COL19A1: variants seen among roughly 807,000 people sequenced by gnomAD.
COL19A1 encodes the protein collagen type XIX alpha 1 chain.
COL19A1 carries 159 observed loss-of-function variants against 190.2 expected under a neutral mutation model. That is an observed-to-expected ratio of 0.84 (90% CI 0.73 to 0.95). The LOEUF is 0.95. Ranked by LOEUF, COL19A1 falls within the 40% of genes least tolerant of loss-of-function variation. The probability of loss-of-function intolerance (pLI) is 0.00; values close to 1 mark genes in which losing one functional copy is unlikely to be tolerated. For missense variants in COL19A1, 1,418 were observed against 1,431.9 expected, an observed-to-expected ratio of 0.99 and a Z score of 0.16; for synonymous variants, 509 against 458.9, an observed-to-expected ratio of 1.11 and a Z score of -1.39.
chr6:70,070,647 A>T (rs1355313637), intron 15 of COL19A1, among the ~76,000 whole-genome samples: 9 of 152,136 alleles, frequency 5.9e-5, no homozygotes, highest in Admixed American at 4.6e-4. Flanking sequence ...AATGAATTTT[A>T]AAAATGAGCG....
intron 4 of COL19A1, among the ~76,000 whole-genome samples, chr6:69,907,109 T>A (rs1157429054): frequency 9.3e-6 from 1 of 107,936 alleles, no homozygotes; most frequent in Admixed American, 1.0e-4. Context: ...TTATTATTAT[T>A]TTTTTTTTTT....
intron 46 of COL19A1, 97 bp from the exon 47 acceptor site, chr6:70,187,978 A>G (rs546986669): frequency 3.7e-5 from 51 of 1,397,218 alleles, no homozygotes; most frequent in Middle Eastern, 3.9e-4. Flanking sequence ...ACAAGGCCCA[A>G]CAGCTAATAA....
chr6:70,079,023 C>T (rs1782072105), intron 15 of COL19A1, among the ~76,000 whole-genome samples: 1 of 152,154 alleles, frequency 6.6e-6, no homozygotes, highest in Non-Finnish European at 1.5e-5. Context: ...GCCGAGCTCA[C>T]ATCACTGCAC....
At chr6:69,965,116 C>T (rs969750678) in intron 11 of COL19A1, among the ~76,000 whole-genome samples, 9 of 152,164 alleles carry the variant, frequency 5.9e-5, no homozygotes, top group African/African-American at 2.2e-4. Flanking sequence ...GTCAATCTAC[C>T]TTGGACTTTA....
At chr6:70,105,819 T>C (rs949782150) in intron 16 of COL19A1, among the ~76,000 whole-genome samples, 1 of 152,192 alleles carries the variant, frequency 6.6e-6, no homozygotes, top group African/African-American at 2.4e-5. Flanking sequence ...AAATGTATTT[T>C]TTAAAAAATT....
intron 11 of COL19A1, among the ~76,000 whole-genome samples, chr6:69,978,050 A>G (rs1179928691): frequency 6.6e-6 from 1 of 152,202 alleles, no homozygotes; most frequent in Non-Finnish European, 1.5e-5. Context: ...CAGAGATTCT[A>G]TATGTGTTAC....
intron 14 of COL19A1, among the ~76,000 whole-genome samples, chr6:70,063,542 A>G (rs1396728350): frequency 1.3e-5 from 2 of 152,200 alleles, no homozygotes; most frequent in East Asian, 1.9e-4. Context: ...AAGATCTAAA[A>G]TTGACACCCC....
chr6:70,106,393 A>T (rs1009609243), intron 16 of COL19A1, among the ~76,000 whole-genome samples: 5 of 151,898 alleles, frequency 3.3e-5, no homozygotes, highest in Admixed American at 1.3e-4. Context: ...CTGAGACATT[A>T]TATCTCCTAG....
chr6:69,938,445 T>C (rs149406099), intron 9 of COL19A1, among the ~76,000 whole-genome samples: 231 of 152,212 alleles, frequency 1.5e-3, no homozygotes, highest in African/African-American at 5.2e-3. Flanking sequence ...TTCTTGCTTC[T>C]CTTGTCTTTT....
chr6:69,935,039 T>G (rs1055746861), intron 7 of COL19A1, among the ~76,000 whole-genome samples: 1 of 152,052 alleles, frequency 6.6e-6, no homozygotes, highest in Non-Finnish European at 1.5e-5. Flanking sequence ...GGCAACATTT[T>G]TTAAAGATCA....
At chr6:69,926,141 G>A (rs1772375692) in intron 4 of COL19A1, among the ~76,000 whole-genome samples, 2 of 152,124 alleles carry the variant, frequency 1.3e-5, no homozygotes, top group Non-Finnish European at 2.9e-5. Context: ...GGAGTGGTGA[G>A]AGAGGGCATC....
intron 18 of COL19A1, among the ~76,000 whole-genome samples, chr6:70,136,414 C>T (rs1031431517): frequency 9.2e-5 from 14 of 151,984 alleles, no homozygotes; most frequent in African/African-American, 2.9e-4. Flanking sequence ...CTGAGATAAA[C>T]GCTGGTTTAT....
At chr6:69,927,603 C>G (rs550004824) in intron 4 of COL19A1, among the ~76,000 whole-genome samples, 1 of 152,128 alleles carries the variant, frequency 6.6e-6, no homozygotes, top group Non-Finnish European at 1.5e-5. Context: ...CATTTTATTT[C>G]CTTGATAAAT....
At chr6:70,019,343 G>A (rs965020394) in intron 11 of COL19A1, among the ~76,000 whole-genome samples, 9 of 151,864 alleles carry the variant, frequency 5.9e-5, no homozygotes, top group Admixed American at 5.9e-4. Flanking sequence ...GAGAACAAAA[G>A]CTACTATATT....
Position 70,168,697 on chromosome 6 carries a change from T to C in COL19A1, c.2568+16T>C. On this transcript the variant is annotated intron_variant, in intron 40 of 50. Coordinates refer to ENST00000620364, the MANE Select transcript of COL19A1 (RefSeq NM_001858.6). ...TGGCCCAGTGGTATGAATGTTCCCA[T>C]GTTTTGTGTCATTTAGAATATTGGT... is the stretch of plus-strand genomic sequence containing the variant. 5 of 1,612,542 alleles carry C rather than the reference T, an allele frequency of 3.1e-6. No homozygotes were observed. Among genetic ancestry groups the C allele is most frequent in the East Asian group, 2.2e-5 (1 of 44,792 alleles).
At chr6:70,119,418 G>A (rs995774610) in intron 16 of COL19A1, among the ~76,000 whole-genome samples, 1 of 152,204 alleles carries the variant, frequency 6.6e-6, no homozygotes, top group Non-Finnish European at 1.5e-5. Flanking sequence ...GTACCTGGCA[G>A]AAGTGCTACG....
At chr6:70,166,059 C>T (rs2150265657) in intron 37 of COL19A1, 74 bp downstream of exon 37, 1 of 1,208,922 alleles carries the variant, frequency 8.3e-7, no homozygotes, top group Non-Finnish European at 1.2e-6. Context: ...GGTAAGACTA[C>T]ATTTAGATGT....
intron 27 of COL19A1, among the ~76,000 whole-genome samples, chr6:70,148,658 G>A (rs755931901): frequency 5.3e-5 from 8 of 152,162 alleles, no homozygotes; most frequent in Non-Finnish European, 1.2e-4. Flanking sequence ...TGGGCCTGGT[G>A]GCTCACACCT....
intron 36 of COL19A1, 43 bp from the exon 37 acceptor site, chr6:70,165,898 T>C (rs1765115954): frequency 6.3e-7 from 1 of 1,584,888 alleles, no homozygotes. Flanking sequence ...AAACCTGGGG[T>C]AGAAACGTCT....
Sources: gnomAD v4.1 joint callset for allele counts (sites outside exome capture counted in the v4.1 genomes callset) on GRCh38, gnomAD v4.1.1 for gene constraint, MANE v1.5 for transcripts, NCBI Gene and HGNC (gene_info 2026-07-23, HGNC 2026-07-21) for gene names.